RBFOX1: variants seen among roughly 807,000 people sequenced by gnomAD.
RBFOX1 encodes RNA binding fox-1 homolog 1.
Under a neutral mutation model 57.7 loss-of-function variants are expected in RBFOX1, and 8 were observed. The ratio of observed to expected loss-of-function variants is 0.14; its 90% CI spans 0.08 to 0.25. RBFOX1 has a LOEUF of 0.25. Ranked by LOEUF, RBFOX1 falls within the 10% of genes least tolerant of loss-of-function variation. The probability of loss-of-function intolerance (pLI) is 1.00; values close to 1 mark genes in which losing one functional copy is unlikely to be tolerated. For missense variants in RBFOX1, 611 were observed against 548.5 expected (o/e 1.11, Z -1.14); for synonymous variants, 326 against 222.4 (o/e 1.47, Z -4.15).
At chr16:7,163,032 C>G (rs976616704) in intron 4 of RBFOX1, among the ~76,000 whole-genome samples, 1 of 152,206 alleles carries the variant, frequency 6.6e-6, no homozygotes, top group African/African-American at 2.4e-5. Context: ...TGTATGATGT[C>G]TAAGGTCACA....
At chr16:6,510,231 T>C (rs2096224593) in intron 2 of RBFOX1, among the ~76,000 whole-genome samples, 1 of 152,188 alleles carries the variant, frequency 6.6e-6, no homozygotes, top group African/African-American at 2.4e-5. Context: ...GTGGCTGGCA[T>C]TGAACAGCCA....
intron 2 of RBFOX1, among the ~76,000 whole-genome samples, chr16:6,612,278 A>G (rs59524151): frequency 0.052 from 7,851 of 152,222 alleles, 505 homozygotes; most frequent in East Asian, 0.22. Context: ...CATGATCACA[A>G]CACATTTCTC....
At chr16:6,518,433 A>G (rs536692140) in intron 2 of RBFOX1, among the ~76,000 whole-genome samples, 2 of 152,210 alleles carry the variant, frequency 1.3e-5, no homozygotes, top group African/African-American at 2.4e-5. Context: ...CCAGGTGATG[A>G]CCGTGTGTCA....
intron 1 of RBFOX1, among the ~76,000 whole-genome samples, chr16:5,414,976 T>C (rs547212388): frequency 2.2e-4 from 33 of 152,282 alleles, no homozygotes; most frequent in African/African-American, 7.2e-4. Context: ...TCATAACTTA[T>C]AGTTTTTGTG....
At chr16:5,624,006 A>C (rs1390838603) in intron 3 of RBFOX1, among the ~76,000 whole-genome samples, 1 of 152,148 alleles carries the variant, frequency 6.6e-6, no homozygotes. Context: ...TTTGCAGACT[A>C]TTTGATTTGA....
At chr16:5,739,037 C>G (rs1177218714) in intron 3 of RBFOX1, among the ~76,000 whole-genome samples, 1 of 152,212 alleles carries the variant, frequency 6.6e-6, no homozygotes, top group Non-Finnish European at 1.5e-5. Flanking sequence ...TTAGAAAAAA[C>G]TCTTTTTTGC....
At chr16:5,825,763 A>T (rs2056018461) in intron 3 of RBFOX1, among the ~76,000 whole-genome samples, 2 of 147,752 alleles carry the variant, frequency 1.4e-5, no homozygotes, top group African/African-American at 4.9e-5. Flanking sequence ...ATGAATAAGG[A>T]ATAATATTCC....
At chr16:7,361,821 T>G (rs1353046704) in intron 4 of RBFOX1, among the ~76,000 whole-genome samples, 1 of 152,132 alleles carries the variant, frequency 6.6e-6, no homozygotes, top group African/African-American at 2.4e-5. Flanking sequence ...TGTGTGTTAG[T>G]GTGTGTATGA....
intron 3 of RBFOX1, among the ~76,000 whole-genome samples, chr16:6,757,535 A>G (rs1433256682): frequency 3.3e-5 from 5 of 152,194 alleles, no homozygotes; most frequent in African/African-American, 4.8e-5. Context: ...GTTAACTGAA[A>G]TAAGCTGAGC....
chr16:7,397,963 T>C (rs2098170000), intron 4 of RBFOX1, among the ~76,000 whole-genome samples: 2 of 152,132 alleles, frequency 1.3e-5, no homozygotes. Flanking sequence ...AATGCAAGCT[T>C]TATGTTATAA....
intron 2 of RBFOX1, among the ~76,000 whole-genome samples, chr16:6,576,153 G>A (rs537484396): frequency 5.9e-5 from 9 of 152,176 alleles, no homozygotes; most frequent in African/African-American, 1.9e-4. Context: ...TTTGGCAGTC[G>A]TGAGTATTCA....
chr16:7,625,140 C>G (rs8052530), intron 10 of RBFOX1, among the ~76,000 whole-genome samples: 40,553 of 151,862 alleles, frequency 0.27, 7,455 homozygotes, highest in African/African-American at 0.52. Flanking sequence ...ACCTGGCTCT[C>G]CCACCTTAGT....
At chr16:5,711,226 C>G (rs932076687) in intron 3 of RBFOX1, among the ~76,000 whole-genome samples, 3 of 152,214 alleles carry the variant, frequency 2.0e-5, no homozygotes, top group African/African-American at 2.4e-5. Flanking sequence ...AATAGTAACT[C>G]ATTTAATCTG....
At chr16:5,669,369 G>A (rs1294145367) in intron 3 of RBFOX1, among the ~76,000 whole-genome samples, 1 of 151,044 alleles carries the variant, frequency 6.6e-6, no homozygotes, top group Non-Finnish European at 1.5e-5. Context: ...GTTCACCTGG[G>A]TCAGAAACCC....
At chr16:6,885,479 C>T (rs976940284) in intron 3 of RBFOX1, among the ~76,000 whole-genome samples, 1 of 152,168 alleles carries the variant, frequency 6.6e-6, no homozygotes, top group African/African-American at 2.4e-5. Context: ...TGGAGACTTT[C>T]TTGACAAAGT....
chr16:6,632,130 G>T (rs774645201), intron 2 of RBFOX1, among the ~76,000 whole-genome samples: 8 of 152,084 alleles, frequency 5.3e-5, no homozygotes, highest in Non-Finnish European at 1.2e-4. Context: ...TGTGTGTCCT[G>T]GACACAGTTA....
intron 2 of RBFOX1, among the ~76,000 whole-genome samples, chr16:5,477,635 C>G (rs1407823388): frequency 1.3e-5 from 2 of 152,196 alleles, no homozygotes; most frequent in East Asian, 3.8e-4. Flanking sequence ...TAGTCAGTAT[C>G]TTACTGCTTA....
intron 4 of RBFOX1, among the ~76,000 whole-genome samples, chr16:7,491,935 T>C (rs1047997937): frequency 6.6e-6 from 1 of 152,240 alleles, no homozygotes; most frequent in South Asian, 2.1e-4. Flanking sequence ...CGTGTGTTCC[T>C]TTTTTGTCAT....
intron 1 of RBFOX1, among the ~76,000 whole-genome samples, chr16:5,455,009 TTCTTTCTTTCTTTCTC>T (rs1307690380): frequency 4.4e-5 from 5 of 114,338 alleles, no homozygotes; most frequent in African/African-American, 1.5e-4. Flanking sequence ...CTTTCTTTCT[TTCTTTCTTTCTTTCTC>T]TCTCTCTGTC....
Sources: allele counts gnomAD v4.1 joint callset (sites outside exome capture counted in the v4.1 genomes callset), GRCh38; gene constraint gnomAD v4.1.1; transcripts MANE v1.5; gene names NCBI Gene and HGNC (gene_info 2026-07-23, HGNC 2026-07-21).